The following PRKCH variants were observed in gnomAD, a reference collection of about 807,000 sequenced individuals.
The protein encoded by PRKCH is protein kinase C eta type.
A neutral mutation model predicts 82.5 loss-of-function variants in PRKCH; 28 were observed. That is an observed-to-expected ratio of 0.34 (90% CI 0.25 to 0.47). The LOEUF (loss-of-function observed/expected upper bound fraction) is 0.47, where lower values mean the gene tolerates loss of function less well. Among genes scored for constraint, PRKCH ranks in the 20% least tolerant of loss-of-function variants. The pLI is 1.00. For missense variants in PRKCH, 705 were observed against 881.8 expected (o/e 0.80, Z 2.54); for synonymous variants, 322 against 327.4 (o/e 0.98, Z 0.18).
At chr14:61,409,368 A>G (rs1482669735) in intron 2 of PRKCH, among the ~76,000 whole-genome samples, 1 of 152,162 alleles carries the variant, frequency 6.6e-6, no homozygotes, top group Non-Finnish European at 1.5e-5. Flanking sequence ...TTCAGTACAG[A>G]TACAGAAATG....
rs559791194 is a variant in PRKCH, at chr14:61,331,971, A to G, written c.363+9507A>G. Reference sequence around the variant, plus strand: ...CTTGGTTTAGAATCAGCCTTAAGGCAATACATTTCAAGCCATGCAGTTGTA... The same window carrying G: ...CTTGGTTTAGAATCAGCCTTAAGGCGATACATTTCAAGCCATGCAGTTGTA... On this transcript the variant is annotated intron_variant, in intron 1 of 13. Coordinates refer to ENST00000332981, the MANE Select transcript of PRKCH (RefSeq NM_006255.5). Among the ~76,000 whole-genome samples, 24 of 152,374 alleles carry G rather than the reference A, an allele frequency of 1.6e-4. No individual in the cohort carries two copies. The South Asian group carries it at 4.6e-3, about 29-fold the overall frequency.
intron 1 of PRKCH, 156 bp downstream of exon 1, chr14:61,322,620 C>T (rs1247586221): frequency 3.7e-6 from 4 of 1,077,504 alleles, no homozygotes; most frequent in Non-Finnish European, 5.2e-6. Context: ...GCACTGGTGA[C>T]GCGACCGCGG....
intron 4 of PRKCH, among the ~76,000 whole-genome samples, chr14:61,448,725 C>A (rs533248175): frequency 1.3e-5 from 2 of 152,256 alleles, no homozygotes; most frequent in South Asian, 4.1e-4. Flanking sequence ...CCAGGAAGAG[C>A]AACCCATGTA....
chr14:61,424,005 T>G (rs1009744750), intron 2 of PRKCH, among the ~76,000 whole-genome samples: 2 of 152,266 alleles, frequency 1.3e-5, no homozygotes, highest in African/African-American at 4.8e-5. Context: ...TCACGAGAAC[T>G]GATGGTTTTA....
chr14:61,435,087 C>A (rs1246567933), intron 2 of PRKCH, among the ~76,000 whole-genome samples: 1 of 152,178 alleles, frequency 6.6e-6, no homozygotes, highest in East Asian at 1.9e-4. Flanking sequence ...AATAACCCAA[C>A]TTCCTCACCC....
At chr14:61,188,611 GGTGTGTGTGTGTGTGTGTGT>G (rs1170634010) in intron 1 of PRKCH, among the ~76,000 whole-genome samples, 1 of 51,026 alleles carries the variant, frequency 2.0e-5, no homozygotes, top group Admixed American at 2.4e-4. Context: ...GGGGTGGTGT[GGTGTGTGTGTGTGTGTGTGT>G]GTGTGTGTGT....
chr14:61,280,517 G>A lies in PRKCH; in HGVS notation c.-19+92849G>A. ...GCCAACGCCAGGCTGCCGTTGACCA[G>A]CGGCGGGTTGCGGAACTTGACGTGG... is the stretch of plus-strand genomic sequence containing the variant. On this transcript the variant is annotated intron_variant, in intron 1 of 3. Transcript: ENST00000555185. This position sits in a 1 kb window ranked among gnomAD's most constrained non-coding sequence, Gnocchi z 5.0. 1 of 1,612,654 alleles carries A rather than the reference G, an allele frequency of 6.2e-7. No individual in the cohort carries two copies. Among genetic ancestry groups the A allele is most frequent in the Non-Finnish European group, 8.5e-7 (1 of 1,179,538 alleles).
At chr14:61,232,375 G>A (rs1049616557) in intron 1 of PRKCH, among the ~76,000 whole-genome samples, 5 of 152,232 alleles carry the variant, frequency 3.3e-5, no homozygotes, top group African/African-American at 4.8e-5. Flanking sequence ...ACAGGCTTGC[G>A]CCACCATGCC....
intron 10 of PRKCH, among the ~76,000 whole-genome samples, chr14:61,511,446 C>A (rs1887370328): frequency 1.3e-5 from 2 of 152,154 alleles, no homozygotes. Flanking sequence ...TTGGGGCAGC[C>A]CCCCACCCAG....
At chr14:61,451,473 A>G (rs2140287264) in intron 6 of PRKCH, among the ~76,000 whole-genome samples, 1 of 152,336 alleles carries the variant, frequency 6.6e-6, no homozygotes, top group South Asian at 2.1e-4. Flanking sequence ...GAGTTGTCAC[A>G]GCATAAAAAG....
At chr14:61,426,365 T>A (rs1594692696) in intron 2 of PRKCH, among the ~76,000 whole-genome samples, 1 of 105,356 alleles carries the variant, frequency 9.5e-6, no homozygotes, top group African/African-American at 3.6e-5. Context: ...TGTCAGAATT[T>A]TCTTAGTTAT....
At chr14:61,327,093 TC>T in intron 1 of PRKCH, 1 of 455,994 alleles carries the variant, frequency 2.2e-6, no homozygotes. Context: ...CTTGGCAGGA[TC>T]CCAGGCTGTT....
chr14:61,387,722 T>A (rs1234737170), intron 1 of PRKCH, among the ~76,000 whole-genome samples: 2 of 152,212 alleles, frequency 1.3e-5, no homozygotes, highest in African/African-American at 4.8e-5. Context: ...AAGGAATACA[T>A]CTTTACATTA....
chr14:61,372,329 G>A (rs1400696074), intron 1 of PRKCH, among the ~76,000 whole-genome samples: 2 of 152,064 alleles, frequency 1.3e-5, no homozygotes, highest in African/African-American at 4.8e-5. Context: ...ACTCACCCTT[G>A]TATATACACA....
intron 1 of PRKCH, chr14:61,304,579 C>G (rs1336054985): frequency 1.3e-5 from 2 of 151,828 alleles, no homozygotes; most frequent in African/African-American, 4.8e-5. Flanking sequence ...AATCCCAGCA[C>G]TTTGGAAGGC....
rs548029008 is a variant in PRKCH, at chr14:61,331,819, T to A, written c.363+9355T>A. The stretch of plus-strand genomic sequence containing the variant: ...TGGTTTAAACTGTCAAAATGAATTA[T>A]GTGTTATCAAAGTTAGTAACTCCTA... On this transcript the variant is annotated intron_variant, in intron 1 of 13. Transcript: ENST00000332981. 5.9e-5 allele frequency among the ~76,000 whole-genome samples: 9 copies of A among 152,358 alleles called. No individual in the cohort carries two copies. The East Asian group carries it at 1.5e-3, about 26-fold the overall frequency.
chr14:61,411,178 C>T (rs1882253279), intron 2 of PRKCH, among the ~76,000 whole-genome samples: 1 of 152,178 alleles, frequency 6.6e-6, no homozygotes, highest in African/African-American at 2.4e-5. Context: ...CAGAAGACAC[C>T]AGCCTTCATG....
chr14:61,267,853 T>C (rs1270950756), intron 1 of PRKCH, among the ~76,000 whole-genome samples: 1 of 152,178 alleles, frequency 6.6e-6, no homozygotes, highest in Non-Finnish European at 1.5e-5. Flanking sequence ...AGAAAAAAAA[T>C]GCTGCCAATT....
chr14:61,276,787 C>T (rs188180549), intron 1 of PRKCH, among the ~76,000 whole-genome samples: 13 of 152,180 alleles, frequency 8.5e-5, no homozygotes, highest in East Asian at 7.7e-4. Context: ...GACAGGAAGA[C>T]GGCAACAGAC....
Sources: allele counts gnomAD v4.1 joint callset (sites outside exome capture counted in the v4.1 genomes callset), GRCh38; gene constraint gnomAD v4.1.1; non-coding constraint Gnocchi (gnomAD v3.1); transcripts MANE v1.5; gene names NCBI Gene and HGNC (gene_info 2026-07-23, HGNC 2026-07-21).